The following GABRB3 variants were observed in gnomAD, a reference collection of about 807,000 sequenced individuals.
The protein encoded by GABRB3 is gamma-aminobutyric acid receptor subunit beta-3.
A neutral mutation model predicts 52.1 loss-of-function variants in GABRB3; 14 were observed. The ratio of observed to expected loss-of-function variants is 0.27; its 90% CI spans 0.18 to 0.42. The LOEUF (loss-of-function observed/expected upper bound fraction) is 0.42, where lower values mean the gene tolerates loss of function less well. GABRB3 is among the 10% of genes least tolerant of loss of function. GABRB3 has a pLI of 1.00. For synonymous variants in GABRB3, 260 were observed against 232.3 expected, an observed-to-expected ratio of 1.12 and a Z score of -1.08; for missense variants, 307 against 609.1, an observed-to-expected ratio of 0.50 and a Z score of 5.22.
intron 3 of GABRB3, among the ~76,000 whole-genome samples, chr15:26,759,527 G>A (rs1203147370): frequency 1.3e-5 from 2 of 152,178 alleles, no homozygotes; most frequent in South Asian, 2.1e-4. Flanking sequence ...CCAAAGTGCT[G>A]GGATTACAGG....
At chr15:26,609,284 A>C (rs139885319) in intron 4 of GABRB3, among the ~76,000 whole-genome samples, 2 of 152,208 alleles carry the variant, frequency 1.3e-5, no homozygotes, top group East Asian at 3.9e-4. Flanking sequence ...TCTACAGTTG[A>C]ACTCATATAA....
At chr15:26,632,100 A>G (rs1251359368) in intron 3 of GABRB3, among the ~76,000 whole-genome samples, 1 of 152,162 alleles carries the variant, frequency 6.6e-6, no homozygotes, top group Admixed American at 6.5e-5. Flanking sequence ...AGGCGACCTC[A>G]CTGTCTTATG....
chr15:26,618,096 TAA>T (rs1892331016), intron 4 of GABRB3, among the ~76,000 whole-genome samples: 1 of 152,048 alleles, frequency 6.6e-6, no homozygotes, highest in South Asian at 2.1e-4. Context: ...CTGCCCAAGG[TAA>T]TTTATAGATT....
intron 3 of GABRB3, among the ~76,000 whole-genome samples, chr15:26,761,823 A>G (rs1179628868): frequency 6.6e-6 from 1 of 151,652 alleles, no homozygotes; most frequent in African/African-American, 2.4e-5. Flanking sequence ...ACACACCTCT[A>G]TCCCTCTTAT....
intron 3 of GABRB3, among the ~76,000 whole-genome samples, chr15:26,763,953 C>T (rs1890893459): frequency 6.6e-6 from 1 of 151,282 alleles, no homozygotes; most frequent in Admixed American, 6.6e-5. Context: ...CAAGACCAGC[C>T]TGGCCAACAT....
At chr15:26,688,102 G>T (rs935328705) in intron 3 of GABRB3, among the ~76,000 whole-genome samples, 5 of 152,148 alleles carry the variant, frequency 3.3e-5, no homozygotes, top group African/African-American at 1.2e-4. Context: ...TCATTTGAGT[G>T]GAAAGCTCAA....
intron 3 of GABRB3, among the ~76,000 whole-genome samples, chr15:26,738,060 G>A (rs558427353): frequency 6.6e-5 from 10 of 151,484 alleles, no homozygotes; most frequent in Admixed American, 1.3e-4. Context: ...CTTATGTTTT[G>A]TTTTTTTTGT....
intron 3 of GABRB3, among the ~76,000 whole-genome samples, chr15:26,686,875 G>A (rs1595530521): frequency 6.6e-6 from 1 of 152,252 alleles, no homozygotes; most frequent in South Asian, 2.1e-4. Flanking sequence ...GAGTGTGATG[G>A]TTCTCCACAA....
At chr15:26,580,667 A>T (rs1595456954) in intron 5 of GABRB3, 1 of 679,070 alleles carries the variant, frequency 1.5e-6, no homozygotes, top group East Asian at 2.9e-5. Flanking sequence ...GTTGGTACTG[A>T]AAAGTCGAGA....
chr15:26,671,953 C>T (rs12442889), intron 3 of GABRB3, among the ~76,000 whole-genome samples: 39,878 of 151,888 alleles, frequency 0.26, 6,012 homozygotes, highest in Middle Eastern at 0.44. Flanking sequence ...TATAAGTTTG[C>T]TAATTCACTT....
chr15:26,752,968 G>A (rs1389765145), intron 3 of GABRB3, among the ~76,000 whole-genome samples: 5 of 152,140 alleles, frequency 3.3e-5, no homozygotes, highest in Non-Finnish European at 5.9e-5. Flanking sequence ...ACCAGTACAC[G>A]TGCTTGAGGT....
intron 1 of GABRB3, 50 bp downstream of exon 1, chr15:26,772,833 C>G: frequency 1.4e-6 from 2 of 1,452,946 alleles, no homozygotes; most frequent in Non-Finnish European, 1.8e-6. Flanking sequence ...GCCAGCGCCC[C>G]GCGCACCCCG....
chr15:26,772,307 G>T, intron 3 of GABRB3, 95 bp downstream of exon 3: 1 of 1,124,636 alleles, frequency 8.9e-7, no homozygotes, highest in Non-Finnish European at 1.3e-6. Flanking sequence ...ACTCGGCCCC[G>T]GCCGAAGAGG....
intron 8 of GABRB3, among the ~76,000 whole-genome samples, chr15:26,554,707 CAG>C (rs1209032552): frequency 2.0e-5 from 3 of 152,164 alleles, no homozygotes; most frequent in South Asian, 2.1e-4. Context: ...TTGGAAGATG[CAG>C]AGAGTCAGAT....
chr15:26,692,239 T>C (rs1383805419), intron 3 of GABRB3, among the ~76,000 whole-genome samples: 1 of 152,180 alleles, frequency 6.6e-6, no homozygotes, highest in Non-Finnish European at 1.5e-5. Flanking sequence ...CAATCCCTTT[T>C]CTGGTTTGTG....
chr15:26,598,080 A>T (rs1328660745), intron 4 of GABRB3, among the ~76,000 whole-genome samples: 1 of 152,192 alleles, frequency 6.6e-6, no homozygotes, highest in Non-Finnish European at 1.5e-5. Flanking sequence ...GATAGAAAAC[A>T]ACTTTTACCA....
intron 6 of GABRB3, among the ~76,000 whole-genome samples, chr15:26,578,588 G>C (rs1011429657): frequency 2.0e-5 from 3 of 152,204 alleles, no homozygotes; most frequent in African/African-American, 7.2e-5. Flanking sequence ...AGTGGCTGTG[G>C]TCCCCCACGG....
At position 26,677,335 on chromosome 15, in the gene GABRB3, T is replaced by C. The variant is rs544833214; in HGVS notation, c.241-55801A>G. Among the ~76,000 whole-genome samples the C allele has an allele frequency of 2.1e-3, 324 of 152,334 alleles. 4 individuals are homozygous for C. Among genetic ancestry groups the C allele is most frequent in the African/African-American group, 7.5e-3 (313 of 41,580 alleles). On this transcript the variant is annotated intron_variant, in intron 3 of 8. Coordinates refer to ENST00000311550, the MANE Select transcript of GABRB3 (RefSeq NM_000814.6). The stretch of plus-strand genomic sequence containing the variant: ...ATGCAAATATCCATAGAAGAGATCA[T>C]ACAAATCTTGTTCATTCATTTGCAA...
At chr15:26,552,190 A>G (rs1345975133) in intron 8 of GABRB3, among the ~76,000 whole-genome samples, 1 of 151,858 alleles carries the variant, frequency 6.6e-6, no homozygotes, top group African/African-American at 2.4e-5. Context: ...TATTTTTAGT[A>G]GAGATGGGGT....
Sources: gnomAD v4.1 joint callset for allele counts (sites outside exome capture counted in the v4.1 genomes callset) on GRCh38, gnomAD v4.1.1 for gene constraint, MANE v1.5 for transcripts, NCBI Gene and HGNC (gene_info 2026-07-23, HGNC 2026-07-21) for gene names.